IRX6: variants seen among roughly 807,000 people sequenced by gnomAD.
IRX6 encodes the protein iroquois homeobox 6.
Under a neutral mutation model 47.7 loss-of-function variants are expected in IRX6, and 46 were observed. The ratio of observed to expected loss-of-function variants is 0.96; its 90% CI spans 0.76 to 1.23. The LOEUF (loss-of-function observed/expected upper bound fraction) is 1.23, where lower values mean the gene tolerates loss of function less well. Among genes scored for constraint, IRX6 ranks in the 50% most tolerant of loss-of-function variants. The pLI, the probability that IRX6 is intolerant of heterozygous loss-of-function variation, is 0.00. For synonymous variants in IRX6, 265 were observed against 246.2 expected (o/e 1.08, Z -0.72); for missense variants, 722 against 588.0 (o/e 1.23, Z -2.36).
intron 5 of IRX6, 74 bp downstream of exon 5, chr16:55,329,385 C>T (rs1960603988): frequency 6.6e-7 from 1 of 1,506,056 alleles, no homozygotes; most frequent in Non-Finnish European, 8.9e-7. Context: ...GGCAATTGCA[C>T]ACCCTCTGCC....
Position 55,327,785 on chromosome 16 carries a change from A to C in IRX6, c.613A>C (p.Lys205Gln), listed in dbSNP as rs1267956747. The C allele has an allele frequency of 2.5e-6, 4 of 1,612,676 alleles. No homozygotes were observed. The South Asian group carries it at 3.3e-5, about 13-fold the overall frequency. ...GTTCGCCAACGCACGCCGGCGCCTC[A>C]AGAAAGAGAACAAAATGACATGGGC... ...TWFANARRRL[K>Q]KENKMTWAPK... The change falls in exon 4 of 6, where the codon AAG becomes CAG. Residue 205 changes from lysine (K) to glutamine (Q), a missense_variant. By Grantham distance (53) the Lys-to-Gln change is moderately conservative. Transcript: ENST00000290552.
At position 55,325,015 on chromosome 16, in the gene IRX6, A is replaced by G. The variant is rs1396110226; in HGVS notation, c.-77A>G. On this transcript the variant is annotated 5_prime_UTR_variant, in exon 1 of 6. Coordinates refer to ENST00000290552, the MANE Select transcript of IRX6 (RefSeq NM_024335.3). The stretch of plus-strand genomic sequence containing the variant: ...GCGGTGTAAGGAACTGAGACACCTC[A>G]CTGCTGGGGGCGCGGAACAGCTGGG... 1.3e-6 allele frequency: 2 copies of G among 1,481,790 alleles called. No individual in the cohort carries two copies. Among genetic ancestry groups the G allele is most frequent in the African/African-American group, 2.8e-5 (2 of 72,288 alleles). The allele number at this position is 1,481,790 out of a possible 1,614,324, so 91.8% of individuals were successfully genotyped here.
At chr16:55,326,972 GCA>G (rs1960541796) in intron 2 of IRX6, 19 of 103,930 alleles carry the variant, frequency 1.8e-4, no homozygotes, top group East Asian at 3.2e-4. Flanking sequence ...GGGGTGGGGG[GCA>G]GTAAGGGGGG....
Position 55,326,346 on chromosome 16 carries a change from C to G in IRX6, c.56C>G (p.Ser19Trp). The G allele has an allele frequency of 6.2e-7, 1 of 1,612,818 alleles. No individual in the cohort carries two copies. Among genetic ancestry groups the G allele is most frequent in the Non-Finnish European group, 8.5e-7 (1 of 1,179,420 alleles). Residue 19 changes from serine to tryptophan, a missense_variant, in exon 2 of 6, where the codon TCG becomes TGG. Ser to Trp is a radical substitution (Grantham distance 177). Transcript: ENST00000290552. ...PYRGASQFLASASSSTTCCES... is the reference protein window; with the variant it reads ...PYRGASQFLAWASSSTTCCES... ...TTCTTGCCCCTATAGTTTCTGGCGT[C>G]GGCAAGTTCCAGCACCACATGCTGC... is the stretch of plus-strand genomic sequence containing the variant.
Position 55,329,295 on chromosome 16 carries a change from C to A in IRX6, c.1317C>A (p.Tyr439Ter), listed in dbSNP as rs1466458728. The change falls in exon 5 of 6, where the codon TAC (tyrosine) becomes TAA (stop). Residue 439 changes from tyrosine (Y) to a stop codon, truncating the protein, a stop_gained. Transcript: ENST00000290552. LOFTEE classifies it high-confidence loss of function. The stretch of plus-strand genomic sequence containing the variant: ...GCGAGCCTGTAGTGCAGTGCCAGTA[C>A]CCGTCTGGAGCAGAAGGTAGTGGGC... Reference protein sequence around the residue: ...RRSEPVVQCQYPSGAEAG With the variant: ...RRSEPVVQCQ 6.2e-7 allele frequency: 1 copy of A among 1,604,890 alleles called. No individual in the cohort carries two copies. The highest frequency in any genetic ancestry group is 8.5e-7 in the Non-Finnish European group (1 of 1,174,986).
chr16:55,330,343 GGCCCCACGTT>G lies in IRX6; in HGVS notation c.*39_*48del. 1 of 1,608,694 alleles carries G rather than the reference GGCCCCACGTT, an allele frequency of 6.2e-7. No homozygotes were observed. The highest frequency in any genetic ancestry group is 8.5e-7 in the Non-Finnish European group (1 of 1,175,040). ...GATTTGCGAAAGAATCTTGGAAATG[GGCCCCACGTT>G]TCGAATTCATCTCCAGGTTAAGAAG... On this transcript the variant is annotated 3_prime_UTR_variant, in exon 6 of 6. Coordinates refer to ENST00000290552, the MANE Select transcript of IRX6 (RefSeq NM_024335.3).
chr16:55,325,128 G>C lies in IRX6; in HGVS notation c.37G>C (p.Ala13Pro), dbSNP rs768272784. The change falls in exon 1 of 6, where the codon GCT becomes CCT. Residue 13 changes from alanine to proline, a missense_variant. Physicochemically the swap from Ala to Pro is conservative, Grantham distance 27 (BLOSUM62 -1). Transcript: ENST00000290552. ...FPHFGHPYRG[A>P]SQFLASASSS... ...ACACTTTGGACACCCGTACCGCGGC[G>C]CTTCCCAGGTAAGAGGCGCCTCTAT... 2 of 1,613,940 alleles carry C rather than the reference G, an allele frequency of 1.2e-6. No individual in the cohort carries two copies. Among genetic ancestry groups the C allele is most frequent in the Non-Finnish European group, 1.7e-6 (2 of 1,180,010 alleles).
Position 55,324,886 on chromosome 16 carries a change from C to T in IRX6, c.-206C>T. ...CCTTCTGTCTTCCGGACCCCACGGG[C>T]CGGAGGGGCGCCTTCCGGAGCGCAG... On this transcript the variant is annotated 5_prime_UTR_variant, in exon 1 of 6. Coordinates refer to ENST00000290552, the MANE Select transcript of IRX6 (RefSeq NM_024335.3). This position sits in a 1 kb window ranked among gnomAD's most constrained non-coding sequence, Gnocchi z 4.4. 1 of 603,720 alleles carries T rather than the reference C, an allele frequency of 1.7e-6. No individual in the cohort carries two copies. Among genetic ancestry groups the T allele is most frequent in the Non-Finnish European group, 2.9e-6 (1 of 338,986 alleles). 37.4% of individuals were successfully genotyped at this position (603,720 alleles called of 1,614,324 possible).
chr16:55,329,265 G>C lies in IRX6; in HGVS notation c.1287G>C (p.Arg429=). Residue 429 remains arginine (R), a synonymous_variant, in exon 5 of 6, where the codon CGG becomes CGC. Transcript: ENST00000290552. Reference sequence around the variant, plus strand: ...CGCTGAACTGTGCGCCGTGCCCGCGGAGGAGCGAGCCTGTAGTGCAGTGCC... The same window carrying C: ...CGCTGAACTGTGCGCCGTGCCCGCGCAGGAGCGAGCCTGTAGTGCAGTGCC... ...GLPLNCAPCP[R]RSEPVVQCQY... 1 of 1,613,160 alleles carries C rather than the reference G, an allele frequency of 6.2e-7. No individual in the cohort carries two copies. The highest frequency in any genetic ancestry group is 8.5e-7 in the Non-Finnish European group (1 of 1,179,914).
chr16:55,327,273 A>G, intron 2 of IRX6, 23 bp from the exon 3 acceptor site: 2 of 1,574,210 alleles, frequency 1.3e-6, no homozygotes, highest in Non-Finnish European at 1.7e-6. Flanking sequence ...GTACTCCTGA[A>G]TTCTCTTTTC....
rs1440976724 is a variant in IRX6, at chr16:55,324,439, G to A, written c.-653G>A. The A allele has an allele frequency of 6.6e-6, 1 of 151,958 alleles. No individual in the cohort carries two copies. The highest frequency in any genetic ancestry group is 2.0e-4 in the East Asian group (1 of 5,102). 9.4% of individuals were successfully genotyped at this position (151,958 alleles called of 1,614,324 possible). A position where few individuals can be genotyped will look rare whatever the true frequency, so the allele number is the denominator to read the frequency against. ...GGTGAGCGCGCTGCGCCCGGGGCCT[G>A]CGCGGCTCAGAGGGAGGCGTTTCTC... On this transcript the variant is annotated 5_prime_UTR_variant, in exon 1 of 6. Transcript: ENST00000290552. The surrounding 1 kb of genome is among the most constrained non-coding windows in gnomAD (Gnocchi z 4.4).
At position 55,325,078 on chromosome 16, in the gene IRX6, C is replaced by T. The variant is rs1960485211; in HGVS notation, c.-14C>T. 1.9e-6 allele frequency: 3 copies of T among 1,613,814 alleles called. No individual in the cohort carries two copies. The highest frequency in any genetic ancestry group is 1.1e-5 in the South Asian group (1 of 91,082). On this transcript the variant is annotated 5_prime_UTR_variant, in exon 1 of 6. Coordinates refer to ENST00000290552, the MANE Select transcript of IRX6 (RefSeq NM_024335.3). ...CTCGACAGGGAAGAGAGAGACGGGC[C>T]AGGGACAGCCACCATGTCCTTCCCA...
At chr16:55,326,735 A>G in intron 2 of IRX6, 142 bp downstream of exon 2, 1 of 802,220 alleles carries the variant, frequency 1.2e-6, no homozygotes, top group Middle Eastern at 3.1e-4. Context: ...ACAGTACCTT[A>G]CAGTTTGCAG....
chr16:55,330,347 C>A lies in IRX6; in HGVS notation c.*42C>A, dbSNP rs117181014. 1.4e-5 allele frequency: 22 copies of A among 1,606,028 alleles called. No individual in the cohort carries two copies. The East Asian group carries it at 4.0e-4, about 29-fold the overall frequency. On this transcript the variant is annotated 3_prime_UTR_variant, in exon 6 of 6. Transcript: ENST00000290552. ...TGCGAAAGAATCTTGGAAATGGGCC[C>A]CACGTTTCGAATTCATCTCCAGGTT... is the stretch of plus-strand genomic sequence containing the variant.
intron 1 of IRX6, chr16:55,326,036 T>G: frequency 2.6e-6 from 1 of 391,746 alleles, no homozygotes. Flanking sequence ...GAGGGTTTGG[T>G]GTCTTTAATT....
rs182336923 is a variant in IRX6, at chr16:55,327,611, G to C, written c.439G>C (p.Ala147Pro). Residue 147 changes from alanine (A) to proline (P), a missense_variant, in exon 4 of 6, where the codon GCC becomes CCC. Ala to Pro is a conservative substitution (Grantham distance 27). Transcript: ENST00000290552. Reference sequence around the variant, plus strand: ...GTATGGCGCAGTGGAATTGAGTGGCGCCGGTCGCCGAAAGAACGCGACCCG... The same window carrying C: ...GTATGGCGCAGTGGAATTGAGTGGCCCCGGTCGCCGAAAGAACGCGACCCG... ...ERYGAVELSG[A>P]GRRKNATRET... The C allele has an allele frequency of 1.4e-4, 224 of 1,606,930 alleles. 2 individuals are homozygous for C. In the East Asian group the frequency reaches 4.7e-3, roughly 34 times the overall value.
Position 55,327,280 on chromosome 16 carries a change from T to C in IRX6, c.304-16T>C. 1 of 1,594,520 alleles carries C rather than the reference T, an allele frequency of 6.3e-7. No homozygotes were observed. The highest frequency in any genetic ancestry group is 1.7e-5 in the Admixed American group (1 of 59,956). On this transcript the variant is annotated splice_polypyrimidine_tract_variant and intron_variant, in intron 2 of 5. Transcript: ENST00000290552. ...CCCCAACTGTACTCCTGAATTCTCT[T>C]TTCCTCTCCCTCTAGAATCCACAGT...
At chr16:55,329,338 G>A (rs777255816) in intron 5 of IRX6, 27 bp downstream of exon 5, 4 of 1,573,080 alleles carry the variant, frequency 2.5e-6, no homozygotes, top group South Asian at 1.1e-5. Context: ...GGCGCTGGGA[G>A]TATCTATGCA....
rs1567338576 is a variant in IRX6 at position 55,325,547 on chromosome 16, GAGAGAGAGAGAGAGAA to G, written c.45+415_45+430del. ...GGAAGGAAGGAGAGAGAGAGAGAGA[GAGAGAGAGAGAGAGAA>G]AGAAAGAGAAAGAAAGAAAGAAGGA... is the stretch of plus-strand genomic sequence containing the variant. On this transcript the variant is annotated intron_variant, in intron 1 of 5. Transcript: ENST00000290552. Among the ~76,000 whole-genome samples, 20 of 72,392 alleles carry G rather than the reference GAGAGAGAGAGAGAGAA, an allele frequency of 2.8e-4. 7 individuals carry two copies. Among genetic ancestry groups the G allele is most frequent in the African/African-American group, 1.1e-3 (17 of 15,886 alleles). 47.5% of individuals were successfully genotyped at this position (72,392 alleles called of 152,430 possible). A position where few individuals can be genotyped will look rare whatever the true frequency, so the allele number is the denominator to read the frequency against.
Sources: gnomAD v4.1 joint callset for allele counts (sites outside exome capture counted in the v4.1 genomes callset) on GRCh38, gnomAD v4.1.1 for gene constraint, Gnocchi (gnomAD v3.1) non-coding constraint, MANE v1.5 for transcripts, NCBI Gene and HGNC (gene_info 2026-07-23, HGNC 2026-07-21) for gene names.